The following PRKN variants were observed in gnomAD, a reference collection of about 807,000 sequenced individuals.
The protein encoded by PRKN is parkin RBR E3 ubiquitin protein ligase.
In PRKN, 56 loss-of-function variants were observed where a neutral mutation model predicts 59.5. The observed-to-expected ratio is 0.94, with a 90% CI of 0.76 to 1.18. PRKN has a LOEUF of 1.18. PRKN is among the 50% of genes most tolerant of loss of function. PRKN has a pLI of 0.00. For synonymous variants in PRKN, 250 were observed against 222.1 expected (o/e 1.13, Z -1.12); for missense variants, 657 against 596.4 (o/e 1.10, Z -1.06).
intron 11 of PRKN, among the ~76,000 whole-genome samples, chr6:161,358,390 A>G (rs1355943921): frequency 6.6e-6 from 1 of 152,188 alleles, no homozygotes; most frequent in African/African-American, 2.4e-5. Context: ...AGGCGGGTAG[A>G]TCACCTGAGG....
At chr6:162,721,228 T>C (rs1349095067) in intron 1 of PRKN, among the ~76,000 whole-genome samples, 1 of 152,216 alleles carries the variant, frequency 6.6e-6, no homozygotes, top group African/African-American at 2.4e-5. Flanking sequence ...CCGTAACTAG[T>C]GATTTCAAGT....
intron 4 of PRKN, among the ~76,000 whole-genome samples, chr6:162,164,154 A>G (rs1782878472): frequency 6.7e-6 from 1 of 149,356 alleles, no homozygotes. Flanking sequence ...ATGTTATTTA[A>G]CAATGGCCGA....
chr6:161,887,796 A>G (rs940800988), intron 6 of PRKN, among the ~76,000 whole-genome samples: 1 of 152,214 alleles, frequency 6.6e-6, no homozygotes, highest in East Asian at 1.9e-4. Flanking sequence ...AAAGTAACAA[A>G]AACAGTTATT....
chr6:161,366,370 G>C (rs968105931), intron 10 of PRKN, among the ~76,000 whole-genome samples: 1 of 151,146 alleles, frequency 6.6e-6, no homozygotes, highest in African/African-American at 2.4e-5. Flanking sequence ...CGTGAGCCAA[G>C]GAGTCAAGGA....
intron 7 of PRKN, among the ~76,000 whole-genome samples, chr6:161,756,109 T>C (rs780505060): frequency 3.9e-5 from 6 of 152,140 alleles, no homozygotes; most frequent in Non-Finnish European, 8.8e-5. Context: ...TTAGAACACA[T>C]AGTTCATGAA....
chr6:162,587,540 C>T lies in PRKN; in HGVS notation c.7+140122G>A, dbSNP rs143421655. ...CTATCAAAAATAAAACATAGAGTCTCGGGAACAAATGGTAGTCCTTCCCCC... is the reference window on the plus strand; with the variant it reads ...CTATCAAAAATAAAACATAGAGTCTTGGGAACAAATGGTAGTCCTTCCCCC... On this transcript the variant is annotated intron_variant, in intron 1 of 11. Coordinates refer to ENST00000366898, the MANE Select transcript of PRKN (RefSeq NM_004562.3). 9.8e-3 allele frequency among the ~76,000 whole-genome samples: 1,485 copies of T among 152,132 alleles called. 9 individuals are homozygous for T. The highest frequency in any genetic ancestry group is 0.016 in the Non-Finnish European group (1,074 of 68,006).
chr6:162,171,765 C>T (rs1330877016), intron 4 of PRKN, among the ~76,000 whole-genome samples: 1 of 152,090 alleles, frequency 6.6e-6, no homozygotes, highest in Non-Finnish European at 1.5e-5. Flanking sequence ...TATAACTTGG[C>T]TATTGCTACA....
rs1047600238 is a variant in PRKN at position 161,399,432 on chromosome 6, T to G, written c.1084-12555A>C. Among the ~76,000 whole-genome samples the G allele has an allele frequency of 6.6e-6, 1 of 152,184 alleles. No homozygotes were observed. The highest frequency in any genetic ancestry group is 1.5e-5 in the Non-Finnish European group (1 of 68,036). On this transcript the variant is annotated intron_variant, in intron 9 of 11. Coordinates refer to ENST00000366898, the MANE Select transcript of PRKN (RefSeq NM_004562.3). This position sits in a 1 kb window ranked among gnomAD's most constrained non-coding sequence, Gnocchi z 4.4. ...CTGTAACACACAGCTAACTGGGCTT[T>G]GGGAGTCACAGGCACCCATCCCTAG...
intron 7 of PRKN, among the ~76,000 whole-genome samples, chr6:161,672,477 CTTAAAAT>C (rs1328872751): frequency 1.3e-5 from 2 of 152,172 alleles, no homozygotes; most frequent in African/African-American, 2.4e-5. Context: ...ATATTCTCAA[CTTAAAAT>C]TTAAAATATG....
chr6:161,433,929 A>G (rs1788764855), intron 9 of PRKN, among the ~76,000 whole-genome samples: 1 of 152,062 alleles, frequency 6.6e-6, no homozygotes, highest in Non-Finnish European at 1.5e-5. Context: ...AGAGAGGAGA[A>G]TTATCTGAAC....
chr6:162,311,982 G>A (rs1177705018), intron 2 of PRKN, among the ~76,000 whole-genome samples: 1 of 151,894 alleles, frequency 6.6e-6, no homozygotes, highest in South Asian at 2.1e-4. Flanking sequence ...TCACACACAC[G>A]TGCATGCATA....
At chr6:162,553,019 C>T (rs1017804029) in intron 1 of PRKN, among the ~76,000 whole-genome samples, 1 of 152,032 alleles carries the variant, frequency 6.6e-6, no homozygotes, top group African/African-American at 2.4e-5. Flanking sequence ...TTGCCCAAAG[C>T]TGTTGGTGAT....
chr6:162,700,382 G>C (rs1162148077), intron 1 of PRKN, among the ~76,000 whole-genome samples: 1 of 152,188 alleles, frequency 6.6e-6, no homozygotes, highest in African/African-American at 2.4e-5. Context: ...CAATTTGTGT[G>C]AACAGCAAGA....
chr6:162,308,847 G>GA, intron 2 of PRKN, among the ~76,000 whole-genome samples: 1 of 151,946 alleles, frequency 6.6e-6, no homozygotes. Context: ...ATGTACATGA[G>GA]AAAAACCGTG....
intron 7 of PRKN, among the ~76,000 whole-genome samples, chr6:161,586,925 G>C (rs902566741): frequency 6.6e-6 from 1 of 152,170 alleles, no homozygotes; most frequent in Admixed American, 6.5e-5. Flanking sequence ...ACACTAGCAA[G>C]CTACATATAA....
At chr6:162,616,634 G>A (rs58763955) in intron 1 of PRKN, among the ~76,000 whole-genome samples, 35,161 of 151,902 alleles carry the variant, frequency 0.23, 4,848 homozygotes, top group African/African-American at 0.37. Flanking sequence ...TCTGAGCAAT[G>A]GTATGGCTTT....
At chr6:162,155,189 G>A (rs1318277179) in intron 4 of PRKN, among the ~76,000 whole-genome samples, 1 of 151,346 alleles carries the variant, frequency 6.6e-6, no homozygotes, top group East Asian at 1.9e-4. Flanking sequence ...TGCAGCATTT[G>A]GTTAATCCCT....
At chr6:162,568,345 G>T in intron 1 of PRKN, 1 of 360,214 alleles carries the variant, frequency 2.8e-6, no homozygotes, top group Non-Finnish European at 5.2e-6. Flanking sequence ...TCTCTGCCTG[G>T]TTCAATCCAC....
At chr6:161,793,282 C>G (rs1332311016) in intron 6 of PRKN, among the ~76,000 whole-genome samples, 2 of 152,166 alleles carry the variant, frequency 1.3e-5, no homozygotes, top group African/African-American at 4.8e-5. Flanking sequence ...CCTATTAAGG[C>G]ACTGGCAGAT....
Sources: gnomAD v4.1 joint callset for allele counts (sites outside exome capture counted in the v4.1 genomes callset) on GRCh38, gnomAD v4.1.1 for gene constraint, Gnocchi (gnomAD v3.1) non-coding constraint, MANE v1.5 for transcripts, NCBI Gene and HGNC (gene_info 2026-07-23, HGNC 2026-07-21) for gene names.